TNR: variants seen among roughly 807,000 people sequenced by gnomAD.
The protein encoded by TNR is tenascin R.
Under a neutral mutation model 150.4 loss-of-function variants are expected in TNR, and 45 were observed. The ratio of observed to expected loss-of-function variants is 0.30; its 90% CI spans 0.24 to 0.38. TNR has a LOEUF of 0.38. TNR is among the 10% of genes least tolerant of loss of function. The probability of loss-of-function intolerance (pLI) is 1.00; values close to 1 mark genes in which losing one functional copy is unlikely to be tolerated. For missense variants in TNR, 1,544 were observed against 1,759.1 expected, an observed-to-expected ratio of 0.88 and a Z score of 2.19; for synonymous variants, 687 against 678.4, an observed-to-expected ratio of 1.01 and a Z score of -0.20.
intron 2 of TNR, among the ~76,000 whole-genome samples, chr1:175,408,121 T>C (rs1420877641): frequency 6.6e-6 from 1 of 152,188 alleles, no homozygotes; most frequent in East Asian, 1.9e-4. Flanking sequence ...GCACTTGCCA[T>C]GCTAGACCGT....
intron 2 of TNR, among the ~76,000 whole-genome samples, chr1:175,422,301 G>C (rs1438176857): frequency 1.3e-5 from 2 of 151,274 alleles, no homozygotes; most frequent in Non-Finnish European, 3.0e-5. Flanking sequence ...CTAGAGGGCA[G>C]AGTCTATAAT....
At chr1:175,445,621 G>C (rs77303118) in intron 2 of TNR, among the ~76,000 whole-genome samples, 3,181 of 152,312 alleles carry the variant, frequency 0.021, 116 homozygotes, top group African/African-American at 0.072. Context: ...ATAACATTTA[G>C]TCACTGCCGA....
chr1:175,362,535 G>C, intron 14 of TNR, 128 bp downstream of exon 14: 1 of 1,173,694 alleles, frequency 8.5e-7, no homozygotes, highest in Non-Finnish European at 1.2e-6. Flanking sequence ...TGCCCTGCAA[G>C]ACACAGTGAG....
At chr1:175,504,136 T>C (rs1658854927) in intron 2 of TNR, among the ~76,000 whole-genome samples, 1 of 152,148 alleles carries the variant, frequency 6.6e-6, no homozygotes, top group South Asian at 2.1e-4. Flanking sequence ...AGGGAGTTTC[T>C]AGAGTGAAAA....
At chr1:175,580,482 T>A (rs1313914241) in intron 1 of TNR, among the ~76,000 whole-genome samples, 1 of 152,246 alleles carries the variant, frequency 6.6e-6, no homozygotes, top group Non-Finnish European at 1.5e-5. Flanking sequence ...CAAAATATCC[T>A]TTGAACTTCT....
chr1:175,566,677 C>T (rs138239983), intron 1 of TNR, among the ~76,000 whole-genome samples: 1,597 of 152,294 alleles, frequency 0.01, 24 homozygotes, highest in African/African-American at 0.036. Flanking sequence ...TTGAGTGACA[C>T]GAAGTCTCCA....
intron 2 of TNR, among the ~76,000 whole-genome samples, chr1:175,458,947 A>AC (rs906964459): frequency 3.0e-5 from 4 of 133,368 alleles, no homozygotes; most frequent in Admixed American, 2.7e-4. Flanking sequence ...CACCATTAGC[A>AC]CCTCCACCAA....
Position 175,331,055 on chromosome 1 carries a change from T to TTCTTTCTTTCTTTCTTTCCTTC in TNR, c.3632-821_3632-820insGAAGGAAAGAAAGAAAGAAAGA, listed in dbSNP as rs1553203341. Among the ~76,000 whole-genome samples the TTCTTTCTTTCTTTCTTTCCTTC allele has an allele frequency of 5.9e-3, 689 of 117,180 alleles. 42 individuals are homozygous for TTCTTTCTTTCTTTCTTTCCTTC. The highest frequency in any genetic ancestry group is 8.2e-3 in the Admixed American group (91 of 11,144). 76.9% of individuals were successfully genotyped at this position (117,180 alleles called of 152,430 possible). On this transcript the variant is annotated intron_variant, in intron 20 of 22. Transcript: ENST00000367674. ...TTTCTTTCTTTCTTTCTTTCTTTCTTTCTTTCTTTCTTTCTTTCTTTCCTT... is the reference window on the plus strand; with the variant it reads ...TTTCTTTCTTTCTTTCTTTCTTTCTTTCTTTCTTTCTTTCTTTCCTTCTCTTTCTTTCTTTCTTTCTTTCCTT...
intron 1 of TNR, among the ~76,000 whole-genome samples, chr1:175,676,360 A>G (rs543159954): frequency 4.0e-4 from 61 of 152,226 alleles, no homozygotes; most frequent in African/African-American, 1.5e-3. Context: ...CGTGCACCTC[A>G]CCACCTCCAT....
At chr1:175,464,706 C>T (rs546794027) in intron 2 of TNR, among the ~76,000 whole-genome samples, 1 of 152,200 alleles carries the variant, frequency 6.6e-6, no homozygotes, top group African/African-American at 2.4e-5. Context: ...CTTTAGAGAC[C>T]TTCCACTGTC....
intron 1 of TNR, among the ~76,000 whole-genome samples, chr1:175,683,178 G>A (rs1302654483): frequency 6.6e-6 from 1 of 152,046 alleles, no homozygotes; most frequent in Non-Finnish European, 1.5e-5. Context: ...CAGCTTCCAT[G>A]CCCTTCTCTC....
At chr1:175,696,841 T>A (rs1666543346) in intron 1 of TNR, among the ~76,000 whole-genome samples, 1 of 147,210 alleles carries the variant, frequency 6.8e-6, no homozygotes, top group African/African-American at 2.5e-5. Context: ...ATCGTGCCAT[T>A]GCACTTCAGC....
At chr1:175,613,020 A>G (rs969406191) in intron 1 of TNR, among the ~76,000 whole-genome samples, 9 of 152,242 alleles carry the variant, frequency 5.9e-5, no homozygotes, top group African/African-American at 2.2e-4. Flanking sequence ...AAAATGTTTG[A>G]TAAATGAATG....
At chr1:175,601,036 CAG>C (rs1413616671) in intron 1 of TNR, among the ~76,000 whole-genome samples, 2 of 152,180 alleles carry the variant, frequency 1.3e-5, no homozygotes, top group African/African-American at 4.8e-5. Context: ...TTGCTTATAA[CAG>C]AAATGATATT....
intron 1 of TNR, among the ~76,000 whole-genome samples, chr1:175,546,712 C>T (rs1308078461): frequency 6.6e-6 from 1 of 152,176 alleles, no homozygotes; most frequent in Non-Finnish European, 1.5e-5. Context: ...CATGTCAGCT[C>T]AGTGTTCAGA....
rs1648835403 is a variant in TNR, at chr1:175,316,141, G to A, written c.*7216C>T. 1 of 152,168 alleles carries A rather than the reference G, an allele frequency of 6.6e-6. No homozygotes were observed. Among genetic ancestry groups the A allele is most frequent in the African/African-American group, 2.4e-5 (1 of 41,424 alleles). The allele number at this position is 152,168 out of a possible 1,614,324, so 9.4% of individuals were successfully genotyped here. A position where few individuals can be genotyped will look rare whatever the true frequency, so the allele number is the denominator to read the frequency against. The stretch of plus-strand genomic sequence containing the variant: ...ATTAAAGGGAAGGGGTTTATGTCTG[G>A]AGTTTTGGCCTGGCAGCTAAAAATA... On this transcript the variant is annotated 3_prime_UTR_variant, in exon 23 of 23. Transcript: ENST00000367674.
At chr1:175,720,699 A>T (rs890039803) in intron 1 of TNR, among the ~76,000 whole-genome samples, 1 of 152,252 alleles carries the variant, frequency 6.6e-6, no homozygotes, top group Admixed American at 6.5e-5. Flanking sequence ...AGGCTTCCAG[A>T]GGCAACAGAG....
intron 2 of TNR, among the ~76,000 whole-genome samples, chr1:175,460,976 T>TACACACATGTATGTGCACACAC (rs1432419573): frequency 6.6e-6 from 1 of 152,232 alleles, no homozygotes; most frequent in Non-Finnish European, 1.5e-5. Flanking sequence ...TGTGCACACA[T>TACACACATGTATGTGCACACAC]ACACACATGT....
At chr1:175,421,260 C>T (rs1654744965) in intron 2 of TNR, among the ~76,000 whole-genome samples, 1 of 152,190 alleles carries the variant, frequency 6.6e-6, no homozygotes, top group South Asian at 2.1e-4. Flanking sequence ...TCACCAGGCC[C>T]CATGAGGCTC....
Sources: allele counts gnomAD v4.1 joint callset (sites outside exome capture counted in the v4.1 genomes callset), GRCh38; gene constraint gnomAD v4.1.1; transcripts MANE v1.5; gene names NCBI Gene and HGNC (gene_info 2026-07-23, HGNC 2026-07-21).